The following LHFPL3 variants were observed in gnomAD, a reference collection of about 807,000 sequenced individuals.
LHFPL3 encodes LHFPL tetraspan subfamily member 3, also known as LHFPL tetraspan subfamily member 3 protein.
LHFPL3 carries 5 observed loss-of-function variants against 19.3 expected under a neutral mutation model. The observed-to-expected ratio is 0.26, with a 90% CI of 0.14 to 0.54. The LOEUF (loss-of-function observed/expected upper bound fraction) is 0.54, where lower values mean the gene tolerates loss of function less well. LHFPL3 is among the 20% of genes least tolerant of loss of function. The pLI is 0.94. For synonymous variants in LHFPL3, 133 were observed against 126.2 expected (o/e 1.05, Z -0.36); for missense variants, 249 against 307.4 (o/e 0.81, Z 1.42).
At chr7:104,677,030 A>AT (rs1236104487) in intron 1 of LHFPL3, among the ~76,000 whole-genome samples, 1 of 152,260 alleles carries the variant, frequency 6.6e-6, no homozygotes, top group Non-Finnish European at 1.5e-5. Context: ...GCATGTCCAT[A>AT]TGATAGAATA....
chr7:104,890,093 G>A (rs1471495221), intron 2 of LHFPL3, among the ~76,000 whole-genome samples: 8 of 152,152 alleles, frequency 5.3e-5, no homozygotes, highest in South Asian at 2.1e-4. Context: ...GAGGCCAGGA[G>A]TTTGAGACCA....
At chr7:104,450,445 C>T (rs189645544) in intron 1 of LHFPL3, among the ~76,000 whole-genome samples, 10 of 152,176 alleles carry the variant, frequency 6.6e-5, no homozygotes, top group Admixed American at 1.3e-4. Context: ...AAGCTGGAAA[C>T]GATCATTCTG....
At chr7:104,620,755 G>C (rs1208811011) in intron 1 of LHFPL3, among the ~76,000 whole-genome samples, 1 of 152,152 alleles carries the variant, frequency 6.6e-6, no homozygotes, top group Non-Finnish European at 1.5e-5. Flanking sequence ...ATTCCTGTGT[G>C]TCGGAGTACA....
In LHFPL3 at chr7:104,829,732, G is replaced by A. The variant is rs1489297635; in HGVS notation, c.683-76455G>A. ...CATTTTCTTAATCCAGTCTATCATG[G>A]TTGGACATTTGGGTTGGTTCCAAGT... is the stretch of plus-strand genomic sequence containing the variant. On this transcript the variant is annotated intron_variant, in intron 2 of 2. Coordinates refer to ENST00000424859, the MANE Select transcript of LHFPL3 (RefSeq NM_199000.3). Among the ~76,000 whole-genome samples the A allele has an allele frequency of 5.3e-5, 8 of 152,064 alleles. No homozygotes were observed. The East Asian group carries it at 1.5e-3, about 29-fold the overall frequency.
At chr7:104,902,782 T>C (rs2116732809) in intron 2 of LHFPL3, among the ~76,000 whole-genome samples, 1 of 152,120 alleles carries the variant, frequency 6.6e-6, no homozygotes, top group South Asian at 2.1e-4. Flanking sequence ...TGAGATTCTG[T>C]CTCAAGAAAA....
At chr7:104,707,168 A>T (rs929624969) in intron 1 of LHFPL3, among the ~76,000 whole-genome samples, 8 of 152,102 alleles carry the variant, frequency 5.3e-5, no homozygotes, top group African/African-American at 1.9e-4. Context: ...ATGGATGGAG[A>T]CCTAGATTCA....
intron 1 of LHFPL3, among the ~76,000 whole-genome samples, chr7:104,694,994 G>GGCTATT (rs1792971848): frequency 1.3e-5 from 2 of 152,188 alleles, no homozygotes; most frequent in African/African-American, 4.8e-5. Context: ...TGTGCAGAAG[G>GGCTATT]GCTATTTGTC....
chr7:104,712,950 AATACAAACC>A (rs1793322851), intron 1 of LHFPL3, among the ~76,000 whole-genome samples: 1 of 152,246 alleles, frequency 6.6e-6, no homozygotes, highest in Admixed American at 6.5e-5. Context: ...CCCTGTAAAG[AATACAAACC>A]ATAGCTTGAA....
rs78773939 is a variant in LHFPL3 at position 104,417,816 on chromosome 7, G to A, written c.445+88592G>A. On this transcript the variant is annotated intron_variant, in intron 1 of 2. Transcript: ENST00000424859. ...AAGTACACGAATGTGCTCAATGTCA[G>A]TAAAGGTTAATTTTTACTGTTATTC... is the stretch of plus-strand genomic sequence containing the variant. 7.7e-3 allele frequency among the ~76,000 whole-genome samples: 1,160 copies of A among 151,334 alleles called. 67 individuals are homozygous for A. In the East Asian group the frequency reaches 0.15, roughly 20 times the overall value.
chr7:104,453,646 C>T (rs1375557813), intron 1 of LHFPL3, among the ~76,000 whole-genome samples: 1 of 152,146 alleles, frequency 6.6e-6, no homozygotes, highest in Non-Finnish European at 1.5e-5. Context: ...AACCAAATCT[C>T]ATGGTGCATG....
At chr7:104,438,922 TAG>T (rs1792164867) in intron 1 of LHFPL3, among the ~76,000 whole-genome samples, 1 of 152,106 alleles carries the variant, frequency 6.6e-6, no homozygotes, top group South Asian at 2.1e-4. Flanking sequence ...CTACAGATTC[TAG>T]AGATTAAAAA....
chr7:104,861,674 T>G (rs1465040217), intron 2 of LHFPL3, among the ~76,000 whole-genome samples: 1 of 151,994 alleles, frequency 6.6e-6, no homozygotes, highest in African/African-American at 2.4e-5. Flanking sequence ...TGGGTGAAAG[T>G]GATTCTTCTC....
At chr7:104,858,426 G>C (rs1348243240) in intron 2 of LHFPL3, among the ~76,000 whole-genome samples, 1 of 152,118 alleles carries the variant, frequency 6.6e-6, no homozygotes, top group East Asian at 1.9e-4. Flanking sequence ...AGCATAGCTG[G>C]AGAAAGACCC....
At chr7:104,848,477 T>C (rs1791355102) in intron 2 of LHFPL3, among the ~76,000 whole-genome samples, 1 of 152,182 alleles carries the variant, frequency 6.6e-6, no homozygotes. Flanking sequence ...GTTCTCCCTT[T>C]GCTGGAGAGC....
intron 1 of LHFPL3, among the ~76,000 whole-genome samples, chr7:104,600,970 G>C (rs144016211): frequency 6.6e-6 from 1 of 152,184 alleles, no homozygotes; most frequent in South Asian, 2.1e-4. Context: ...GCACCATTAT[G>C]CAGATTTGAC....
At chr7:104,727,716 T>C (rs1793617083) in intron 1 of LHFPL3, among the ~76,000 whole-genome samples, 2 of 151,762 alleles carry the variant, frequency 1.3e-5, no homozygotes, top group African/African-American at 4.8e-5. Context: ...TTAGGGAAAA[T>C]CATGGCAAAT....
At chr7:104,370,388 G>C (rs1448809626) in intron 1 of LHFPL3, among the ~76,000 whole-genome samples, 1 of 152,080 alleles carries the variant, frequency 6.6e-6, no homozygotes, top group African/African-American at 2.4e-5. Context: ...CAGTCTTCCA[G>C]GCTCCCTCTA....
chr7:104,652,844 G>A (rs556922744), intron 1 of LHFPL3, among the ~76,000 whole-genome samples: 48 of 152,018 alleles, frequency 3.2e-4, no homozygotes, highest in Middle Eastern at 3.4e-3. Flanking sequence ...GAGGTGACTG[G>A]GCATTTTAAA....
intron 2 of LHFPL3, among the ~76,000 whole-genome samples, chr7:104,879,834 G>A (rs1792014289): frequency 6.6e-6 from 1 of 152,218 alleles, no homozygotes; most frequent in African/African-American, 2.4e-5. Flanking sequence ...AGACAAAACA[G>A]CCTTACATTG....
Sources: allele counts gnomAD v4.1 joint callset (sites outside exome capture counted in the v4.1 genomes callset), GRCh38; gene constraint gnomAD v4.1.1; transcripts MANE v1.5; gene names NCBI Gene and HGNC (gene_info 2026-07-23, HGNC 2026-07-21).